Variants in PLEKHA8 observed in about 807,000 individuals in gnomAD.
PLEKHA8 encodes the protein pleckstrin homology domain containing A8.
In PLEKHA8, 36 loss-of-function variants were observed where a neutral mutation model predicts 68.2. The observed-to-expected ratio is 0.53, with a 90% confidence interval of 0.40 to 0.70. The LOEUF (loss-of-function observed/expected upper bound fraction) is 0.70. Ranked by LOEUF, PLEKHA8 falls within the 30% of genes least tolerant of loss-of-function variation. The pLI, the probability that PLEKHA8 is intolerant of heterozygous loss-of-function variation, is 0.00. For synonymous variants in PLEKHA8, 211 were observed against 216.1 expected (o/e 0.98, Z 0.20); for missense variants, 505 against 615.4 (o/e 0.82, Z 1.90).
rs1370412988 is a variant in PLEKHA8 at position 30,080,272 on chromosome 7, G to A, written c.*1485G>A. On this transcript the variant is annotated 3_prime_UTR_variant, in exon 14 of 14. Transcript: ENST00000449726. The stretch of plus-strand genomic sequence containing the variant: ...TGCACAGTGTGATGCTCCAACCCTG[G>A]CCCTAGTCTCAGTAGACCATGCTGC... 1 of 985,268 alleles carries A rather than the reference G, an allele frequency of 1.0e-6. No homozygotes were observed. Among genetic ancestry groups the A allele is most frequent in the Non-Finnish European group, 1.2e-6 (1 of 829,928 alleles). The allele number at this position is 985,268 out of a possible 1,614,324, so 61.0% of individuals were successfully genotyped here.
intron 13 of PLEKHA8, 114 bp downstream of exon 13, chr7:30,074,246 T>TTGTGTGTGTGTGTGTGTGTGTG (rs149548208): frequency 3.0e-4 from 147 of 488,510 alleles, no homozygotes; most frequent in Middle Eastern, 6.4e-4. Context: ...AGAAACAAAG[T>TTGTGTGTGTGTGTGTGTGTGTG]TGTGTGTGTG....
chr7:30,082,653 G>A lies in PLEKHA8; in HGVS notation c.*3866G>A, dbSNP rs1447713905. 1.0e-6 allele frequency: 1 copy of A among 983,442 alleles called. No homozygotes were observed. Among genetic ancestry groups the A allele is most frequent in the African/African-American group, 1.7e-5 (1 of 57,168 alleles). The allele number at this position is 983,442 out of a possible 1,614,324, so 60.9% of individuals were successfully genotyped here. On this transcript the variant is annotated 3_prime_UTR_variant, in exon 14 of 14. Coordinates refer to ENST00000449726, the MANE Select transcript of PLEKHA8 (RefSeq NM_001197026.2). ...TTTAACTTTATATTTTCAGAAAAGTGTTTTTAATTAAAAATATGTGATAGG... is the reference window on the plus strand; with the variant it reads ...TTTAACTTTATATTTTCAGAAAAGTATTTTTAATTAAAAATATGTGATAGG...
At chr7:30,101,556 G>T (rs1445105814) in intron 13 of PLEKHA8, among the ~76,000 whole-genome samples, 1 of 152,136 alleles carries the variant, frequency 6.6e-6, no homozygotes, top group Admixed American at 6.6e-5. Context: ...TCCCATTCAT[G>T]AGAGTCCTGC....
chr7:30,075,570 G>T lies in PLEKHA8; in HGVS notation c.1362+1438G>T, dbSNP rs3828975. On this transcript the variant is annotated intron_variant, in intron 13 of 13. Transcript: ENST00000449726. The stretch of plus-strand genomic sequence containing the variant: ...GGTGCTAGTGCTTACCTCCATTAGA[G>T]CTCTCTGCAGTGAAGACACAATCAC... 2.6e-5 allele frequency among the ~76,000 whole-genome samples: 4 copies of T among 152,152 alleles called. No homozygotes were observed. The East Asian group carries it at 5.8e-4, about 22-fold the overall frequency.
chr7:30,045,849 C>T lies in PLEKHA8; in HGVS notation c.158-361C>T, dbSNP rs577821726. On this transcript the variant is annotated intron_variant, in intron 2 of 13. Transcript: ENST00000449726. ...AATCCAAGGAGATAAAAAACATACCCTTGTTTCTTGGCCTCAGAGCAGCCT... is the reference window on the plus strand; with the variant it reads ...AATCCAAGGAGATAAAAAACATACCTTTGTTTCTTGGCCTCAGAGCAGCCT... Among the ~76,000 whole-genome samples, 3 of 152,254 alleles carry T rather than the reference C, an allele frequency of 2.0e-5. No individual in the cohort carries two copies. In the South Asian group the frequency reaches 6.2e-4, roughly 32 times the overall value.
At position 30,028,625 on chromosome 7, in the gene PLEKHA8, T is replaced by TCCCCACACCGGGCCCGGGCGC. The variant is rs1220113807; in HGVS notation, c.-136_-116dup. The TCCCCACACCGGGCCCGGGCGC allele has an allele frequency of 4.6e-5, 26 of 571,116 alleles. No homozygotes were observed. Among genetic ancestry groups the TCCCCACACCGGGCCCGGGCGC allele is most frequent in the Non-Finnish European group, 6.2e-5 (24 of 386,248 alleles). The allele number at this position is 571,116 out of a possible 1,614,324, so 35.4% of individuals were successfully genotyped here. A position where few individuals can be genotyped will look rare whatever the true frequency, so the allele number is the denominator to read the frequency against. On this transcript the variant is annotated 5_prime_UTR_variant, in exon 1 of 14. Transcript: ENST00000449726. ...CCGAGGATGTGAGGCGGGCCGGGCG[T>TCCCCACACCGGGCCCGGGCGC]CCCCACACCGGGCCCGGGCGCCGGG...
downstream of PLEKHA8, among the ~76,000 whole-genome samples, chr7:30,093,713 G>A (rs150592231): frequency 5.9e-5 from 9 of 152,330 alleles, no homozygotes; most frequent in African/African-American, 2.2e-4. Flanking sequence ...ACAGGCAAAA[G>A]CTTGGTGTTT....
At chr7:30,064,893 G>A (rs1365242084) in intron 12 of PLEKHA8, among the ~76,000 whole-genome samples, 2 of 152,158 alleles carry the variant, frequency 1.3e-5, no homozygotes, top group African/African-American at 4.8e-5. Context: ...GTCTATGGAA[G>A]GGGAGTAGGA....
Position 30,084,568 on chromosome 7 carries a change from G to C in PLEKHA8, c.*5781G>C, listed in dbSNP as rs1795099311. On this transcript the variant is annotated 3_prime_UTR_variant, in exon 14 of 14. Transcript: ENST00000449726. ...CTTGTGGGGAGGGGTGACAGGGGAG[G>C]GTTTTACTTTTTTTGCAAAAATGTT... 2.0e-6 allele frequency: 2 copies of C among 984,512 alleles called. No homozygotes were observed. The highest frequency in any genetic ancestry group is 2.4e-6 in the Non-Finnish European group (2 of 829,338). The allele number at this position is 984,512 out of a possible 1,614,324, so 61.0% of individuals were successfully genotyped here.
In PLEKHA8 at chr7:30,066,125, A is replaced by G. The variant is rs79507396; in HGVS notation, c.1300+3383A>G. On this transcript the variant is annotated intron_variant, in intron 12 of 13. Transcript: ENST00000449726. ...TGCATCTAAGAGATTTTTAATAAGC[A>G]GGAGTAAAACTGCTGAAATTAGTTA... Among the ~76,000 whole-genome samples the G allele has an allele frequency of 3.4e-4, 52 of 152,334 alleles. 2 individuals are homozygous for G. The East Asian group carries it at 0.01, about 29-fold the overall frequency.
chr7:30,109,767 G>C (rs1221998320), intron 13 of PLEKHA8, among the ~76,000 whole-genome samples: 4 of 151,002 alleles, frequency 2.6e-5, no homozygotes, highest in African/African-American at 9.7e-5. Flanking sequence ...CGCCTCCCGG[G>C]CTCAAGCAAT....
At chr7:30,065,094 T>C (rs1793733219) in intron 12 of PLEKHA8, among the ~76,000 whole-genome samples, 1 of 152,212 alleles carries the variant, frequency 6.6e-6, no homozygotes, top group South Asian at 2.1e-4. Flanking sequence ...GTACTTGATT[T>C]GGAGACTGGG....
chr7:30,037,145 T>C (rs910923951), intron 1 of PLEKHA8, among the ~76,000 whole-genome samples: 2 of 152,184 alleles, frequency 1.3e-5, no homozygotes, highest in Non-Finnish European at 2.9e-5. Flanking sequence ...AAATGGTAGA[T>C]TATTTCACTA....
intron 1 of PLEKHA8, 96 bp downstream of exon 1, chr7:30,028,898 A>G: frequency 1.7e-6 from 2 of 1,194,814 alleles, no homozygotes; most frequent in Non-Finnish European, 2.1e-6. Context: ...GGAGGGGGTC[A>G]CGGCCCTTTC....
chr7:30,053,377 C>A (rs966419342), intron 7 of PLEKHA8, among the ~76,000 whole-genome samples: 4 of 152,152 alleles, frequency 2.6e-5, no homozygotes, highest in Admixed American at 6.5e-5. Flanking sequence ...CTGAAATCTA[C>A]TTTAGATCAA....
chr7:30,124,405 G>A (rs1043119410), intron 13 of PLEKHA8, among the ~76,000 whole-genome samples: 1 of 152,168 alleles, frequency 6.6e-6, no homozygotes, highest in Non-Finnish European at 1.5e-5. Flanking sequence ...CTGTTCTAAA[G>A]AAAAATGTCA....
At chr7:30,047,657 T>C (rs1480196110) in intron 3 of PLEKHA8, among the ~76,000 whole-genome samples, 175 bp from the exon 4 acceptor site, 1 of 152,234 alleles carries the variant, frequency 6.6e-6, no homozygotes, top group African/African-American at 2.4e-5. Context: ...TTCTGGTTTT[T>C]CTTGTTATTA....
At chr7:30,060,587 G>C (rs543734492) in intron 9 of PLEKHA8, among the ~76,000 whole-genome samples, 1 of 152,210 alleles carries the variant, frequency 6.6e-6, no homozygotes, top group South Asian at 2.1e-4. Context: ...CCACATATCT[G>C]GTGGCTACCA....
At chr7:30,106,055 CTTT>C (rs796485725) in intron 13 of PLEKHA8, among the ~76,000 whole-genome samples, 1 of 140,508 alleles carries the variant, frequency 7.1e-6, no homozygotes, top group Non-Finnish European at 1.6e-5. Context: ...TCTTTAACAT[CTTT>C]TTTTTTTTTT....
Sources: gnomAD v4.1 joint callset for allele counts (sites outside exome capture counted in the v4.1 genomes callset) on GRCh38, gnomAD v4.1.1 for gene constraint, MANE v1.5 for transcripts, NCBI Gene and HGNC (gene_info 2026-07-23, HGNC 2026-07-21) for gene names.